The following CSMD1 variants were observed in gnomAD, a reference collection of about 807,000 sequenced individuals.
CSMD1 encodes the protein CUB and Sushi multiple domains 1.
In CSMD1, 213 loss-of-function variants were observed where a neutral mutation model predicts 417.5. The observed-to-expected ratio is 0.51, with a 90% CI of 0.46 to 0.57. CSMD1 has a LOEUF of 0.57. CSMD1 is among the 20% of genes least tolerant of loss of function. The pLI is 0.00. For synonymous variants in CSMD1, 2,862 were observed against 1,736.8 expected, an observed-to-expected ratio of 1.65 and a Z score of -16.11; for missense variants, 6,923 against 4,529.7, an observed-to-expected ratio of 1.53 and a Z score of -15.17.
At chr8:3,672,732 G>C (rs73183320) in intron 7 of CSMD1, among the ~76,000 whole-genome samples, 4,663 of 152,208 alleles carry the variant, frequency 0.031, 80 homozygotes, top group Middle Eastern at 0.095. Flanking sequence ...GGCCATGGTG[G>C]ATGTATTTAA....
chr8:3,462,246 G>A (rs1816552546), intron 12 of CSMD1, among the ~76,000 whole-genome samples: 1 of 152,126 alleles, frequency 6.6e-6, no homozygotes, highest in Non-Finnish European at 1.5e-5. Flanking sequence ...CACCAAGCCT[G>A]GCCCAATTGC....
intron 6 of CSMD1, among the ~76,000 whole-genome samples, chr8:3,734,498 G>T (rs773416614): frequency 3.3e-5 from 5 of 152,146 alleles, no homozygotes; most frequent in African/African-American, 4.8e-5. Context: ...ATCCCTTGAC[G>T]TCAGGAGTTC....
chr8:3,666,686 G>C (rs112642409), intron 7 of CSMD1, among the ~76,000 whole-genome samples: 2,553 of 152,258 alleles, frequency 0.017, 62 homozygotes, highest in African/African-American at 0.058. Flanking sequence ...TAGTGAATAA[G>C]TCTCATGCAA....
At chr8:4,619,316 A>G (rs867265061) in intron 2 of CSMD1, among the ~76,000 whole-genome samples, 2 of 152,310 alleles carry the variant, frequency 1.3e-5, no homozygotes, top group Middle Eastern at 3.4e-3. Flanking sequence ...GCCTTCTCCA[A>G]ATAAACATAA....
intron 1 of CSMD1, among the ~76,000 whole-genome samples, chr8:4,955,704 C>T (rs1217676737): frequency 1.4e-5 from 2 of 146,214 alleles, no homozygotes; most frequent in Non-Finnish European, 3.0e-5. Context: ...GATCCACCCA[C>T]CTCGGCCTCC....
chr8:3,601,021 T>A (rs80245349), intron 8 of CSMD1, among the ~76,000 whole-genome samples: 86 of 152,276 alleles, frequency 5.6e-4, no homozygotes, highest in African/African-American at 2.0e-3. Context: ...AAGAATCAGC[T>A]ATGATTGGAC....
At chr8:4,185,633 T>C (rs1798626353) in intron 3 of CSMD1, among the ~76,000 whole-genome samples, 1 of 152,232 alleles carries the variant, frequency 6.6e-6, no homozygotes, top group Non-Finnish European at 1.5e-5. Flanking sequence ...TTTAAATAGC[T>C]AATGTAAAAA....
In CSMD1 at chr8:3,772,496, TACATATATACACATATATACATATATAC is replaced by T. The variant is rs1563064546; in HGVS notation, c.819-18482_819-18455del. On this transcript the variant is annotated intron_variant, in intron 5 of 69. Transcript: ENST00000635120. Reference sequence around the variant, plus strand: ...ATATATATACATATATACACATATATACATATATACACATATATACATATATACACATATATACATATATACACATATA... The same window carrying T: ...ATATATATACATATATACACATATATACATATATACATATATACACATATA... Among the ~76,000 whole-genome samples, 113 of 24,188 alleles carry T rather than the reference TACATATATACACATATATACATATATAC, an allele frequency of 4.7e-3. 13 individuals carry two copies. The highest frequency in any genetic ancestry group is 3.2e-3 in the Non-Finnish European group (33 of 10,244). 15.9% of individuals were successfully genotyped at this position (24,188 alleles called of 152,430 possible). A position where few individuals can be genotyped will look rare whatever the true frequency, so the allele number is the denominator to read the frequency against.
chr8:3,963,504 G>A lies in CSMD1; in HGVS notation c.818+34399C>T, dbSNP rs73492664. 4.0e-3 allele frequency among the ~76,000 whole-genome samples: 613 copies of A among 152,094 alleles called. 7 individuals carry two copies. The highest frequency in any genetic ancestry group is 0.014 in the African/African-American group (587 of 41,468). On this transcript the variant is annotated intron_variant, in intron 5 of 69. Transcript: ENST00000635120. ...ATTATGCAATAGAAGTACCTGGGGT[G>A]TACATTTTAAAATTCAGAAAATTTT...
At chr8:4,488,359 G>C (rs761452186) in intron 2 of CSMD1, among the ~76,000 whole-genome samples, 1 of 151,980 alleles carries the variant, frequency 6.6e-6, no homozygotes, top group Non-Finnish European at 1.5e-5. Flanking sequence ...CTGAACACTT[G>C]ACATATAGAA....
intron 12 of CSMD1, among the ~76,000 whole-genome samples, chr8:3,463,401 G>A (rs901114976): frequency 6.6e-6 from 1 of 152,194 alleles, no homozygotes; most frequent in African/African-American, 2.4e-5. Flanking sequence ...GAAAAAGGAG[G>A]TACACATTAT....
intron 3 of CSMD1, among the ~76,000 whole-genome samples, chr8:4,116,172 T>G (rs564797126): frequency 6.6e-6 from 1 of 152,092 alleles, no homozygotes; most frequent in South Asian, 2.1e-4. Flanking sequence ...TTTTGTATTT[T>G]TAGTACAGAC....
At chr8:4,541,489 T>C (rs78345101) in intron 2 of CSMD1, among the ~76,000 whole-genome samples, 5 of 152,096 alleles carry the variant, frequency 3.3e-5, no homozygotes, top group African/African-American at 1.2e-4. Flanking sequence ...GGCTCACACC[T>C]GTAATCCCCA....
chr8:3,152,194 C>A lies in CSMD1; in HGVS notation c.5915-681G>T, dbSNP rs116140221. Among the ~76,000 whole-genome samples, 859 of 152,314 alleles carry A rather than the reference C, an allele frequency of 5.6e-3. 7 individuals are homozygous for A. Among genetic ancestry groups the A allele is most frequent in the African/African-American group, 0.019 (801 of 41,566 alleles). On this transcript the variant is annotated intron_variant, in intron 39 of 69. Transcript: ENST00000635120. ...TGAGAGAGGGTGAAATAAGTTCATGCATCTTGCCTTATCTTGGCGACTCAC... is the reference window on the plus strand; with the variant it reads ...TGAGAGAGGGTGAAATAAGTTCATGAATCTTGCCTTATCTTGGCGACTCAC...
chr8:4,315,883 A>T (rs1215420594), intron 3 of CSMD1, among the ~76,000 whole-genome samples: 1 of 152,204 alleles, frequency 6.6e-6, no homozygotes, highest in Non-Finnish European at 1.5e-5. Flanking sequence ...AAATTTTAAA[A>T]ACAGGTTTTA....
At chr8:4,964,426 G>T (rs1317769699) in intron 1 of CSMD1, among the ~76,000 whole-genome samples, 1 of 140,772 alleles carries the variant, frequency 7.1e-6, no homozygotes, top group Non-Finnish European at 1.5e-5. Context: ...AGCTGAGGTG[G>T]GAGAATCACC....
At chr8:3,622,635 T>C (rs530067023) in intron 7 of CSMD1, among the ~76,000 whole-genome samples, 2 of 152,348 alleles carry the variant, frequency 1.3e-5, no homozygotes, top group African/African-American at 4.8e-5. Context: ...GGATTGCAGA[T>C]GGTAGAAGAT....
At chr8:3,649,860 T>A (rs1332893586) in intron 7 of CSMD1, among the ~76,000 whole-genome samples, 1 of 152,244 alleles carries the variant, frequency 6.6e-6, no homozygotes, top group Non-Finnish European at 1.5e-5. Flanking sequence ...TTTCTCAATG[T>A]TTAACCTATG....
intron 1 of CSMD1, among the ~76,000 whole-genome samples, chr8:4,811,308 A>C (rs1414803056): frequency 1.3e-5 from 2 of 152,214 alleles, no homozygotes; most frequent in Non-Finnish European, 2.9e-5. Flanking sequence ...TTAATTGGGA[A>C]TATTGACTCG....
Sources: gnomAD v4.1 joint callset for allele counts (sites outside exome capture counted in the v4.1 genomes callset) on GRCh38, gnomAD v4.1.1 for gene constraint, MANE v1.5 for transcripts, NCBI Gene and HGNC (gene_info 2026-07-23, HGNC 2026-07-21) for gene names.